The following AFAP1L1 variants were observed in gnomAD, a reference collection of about 807,000 sequenced individuals.
The protein encoded by AFAP1L1 is actin filament-associated protein 1-like 1.
In AFAP1L1, 77 loss-of-function variants were observed where a neutral mutation model predicts 99.8. The observed-to-expected ratio is 0.77, with a 90% CI of 0.64 to 0.93. The LOEUF is 0.93. Ranked by LOEUF, AFAP1L1 falls within the 40% of genes least tolerant of loss-of-function variation. The probability of loss-of-function intolerance (pLI) is 0.00; values close to 1 mark genes in which losing one functional copy is unlikely to be tolerated. For missense variants in AFAP1L1, 893 were observed against 996.8 expected (o/e 0.90, Z 1.40); for synonymous variants, 373 against 395.3 (o/e 0.94, Z 0.67).
chr5:149,308,661 C>T (rs1756512056), intron 7 of AFAP1L1, among the ~76,000 whole-genome samples: 1 of 152,158 alleles, frequency 6.6e-6, no homozygotes. Context: ...GGCACTAGTC[C>T]AGGGGACATG....
chr5:149,322,846 T>A (rs1756993461), intron 15 of AFAP1L1, 129 bp downstream of exon 15: 4 of 708,412 alleles, frequency 5.6e-6, no homozygotes, highest in Non-Finnish European at 9.4e-6. Flanking sequence ...GAAAATACTC[T>A]ACCGTAAGAA....
rs139114466 is a variant in AFAP1L1, at chr5:149,339,461, G to C, written c.2284-546G>C. On this transcript the variant is annotated intron_variant, in intron 18 of 18. Coordinates refer to ENST00000296721, the MANE Select transcript of AFAP1L1 (RefSeq NM_152406.4). ...CCCACCTCGGCCTCCCAAAGTGCTG[G>C]GATTACAGGCATGAGCCACGGCACC... Among the ~76,000 whole-genome samples, 100 of 152,180 alleles carry C rather than the reference G, an allele frequency of 6.6e-4. 2 individuals are homozygous for C. In the East Asian group the frequency reaches 0.018, roughly 27 times the overall value.
chr5:149,308,872 A>T (rs969962504), intron 7 of AFAP1L1, among the ~76,000 whole-genome samples: 3 of 151,678 alleles, frequency 2.0e-5, no homozygotes, highest in African/African-American at 7.3e-5. Flanking sequence ...AGGCAGGAGG[A>T]TCACTTGAAG....
rs774640286 is a variant in AFAP1L1 at position 149,309,955 on chromosome 5, G to A, written c.748-1G>A. ...CCTGATGTGTTTCTCTCCCTGTCCA[G>A]TGTTACAAAAGCTCCAAGGATCGGC... is the stretch of plus-strand genomic sequence containing the variant. On this transcript the variant is annotated splice_acceptor_variant, in intron 7 of 18. Transcript: ENST00000296721. LOFTEE classifies it high-confidence loss of function. 3 of 1,614,038 alleles carry A rather than the reference G, an allele frequency of 1.9e-6. No homozygotes were observed. Among genetic ancestry groups the A allele is most frequent in the Non-Finnish European group, 2.5e-6 (3 of 1,180,040 alleles).
chr5:149,336,638 G>A (rs1757415626), intron 18 of AFAP1L1, among the ~76,000 whole-genome samples: 1 of 152,218 alleles, frequency 6.6e-6, no homozygotes, highest in African/African-American at 2.4e-5. Flanking sequence ...TGAGGGGGCT[G>A]AACATGTTAG....
intron 7 of AFAP1L1, among the ~76,000 whole-genome samples, chr5:149,307,818 TTCTC>T (rs70973517): frequency 0.063 from 6,374 of 100,554 alleles, 260 homozygotes; most frequent in Non-Finnish European, 0.071. Context: ...GTGCCTCTCT[TTCTC>T]TCTCTCTCTC....
chr5:149,337,527 CT>C (rs1561688940), intron 18 of AFAP1L1, among the ~76,000 whole-genome samples: 1 of 152,192 alleles, frequency 6.6e-6, no homozygotes, highest in Admixed American at 6.5e-5. Context: ...TCACTAAACA[CT>C]CTTGAACATG....
chr5:149,316,281 C>G lies in AFAP1L1; in HGVS notation c.1245C>G (p.Thr415=). Residue 415 remains threonine (T), a synonymous_variant, in exon 11 of 19, where the codon ACC becomes ACG. Coordinates refer to ENST00000296721, the MANE Select transcript of AFAP1L1 (RefSeq NM_152406.4). ...CCGATGACCTGCAGACGTCCTCCAC[C>G]GAGGAGGAGGTTCCCTGCTGTGGTG... is the stretch of plus-strand genomic sequence containing the variant. ...TLADDLQTSS[T]EEEVPCCGYL... 1 of 1,613,996 alleles carries G rather than the reference C, an allele frequency of 6.2e-7. No homozygotes were observed. The highest frequency in any genetic ancestry group is 8.5e-7 in the Non-Finnish European group (1 of 1,179,976).
chr5:149,317,696 G>GC, intron 11 of AFAP1L1, 33 bp from the exon 12 acceptor site: 1 of 1,610,634 alleles, frequency 6.2e-7, no homozygotes, highest in South Asian at 1.1e-5. Context: ...CCCAGGGCAG[G>GC]CTATGGGAAC....
intron 11 of AFAP1L1, 22 bp from the exon 12 acceptor site, chr5:149,317,707 C>T (rs1284608898): frequency 3.2e-5 from 52 of 1,612,668 alleles, no homozygotes; most frequent in Non-Finnish European, 3.9e-5. Flanking sequence ...CTATGGGAAC[C>T]TCACACCATT....
chr5:149,312,395 G>A (rs1221969959), intron 9 of AFAP1L1, 191 bp downstream of exon 9: 1 of 660,090 alleles, frequency 1.5e-6, no homozygotes, highest in Non-Finnish European at 2.7e-6. Flanking sequence ...GAACAAACGA[G>A]TGCTTATGCC....
At chr5:149,307,282 T>C in intron 6 of AFAP1L1, 120 bp from the exon 7 acceptor site, 1 of 1,023,050 alleles carries the variant, frequency 9.8e-7, no homozygotes, top group Non-Finnish European at 1.5e-6. Context: ...ATTACCAGTG[T>C]CATGCCTAAT....
At chr5:149,310,157 T>C (rs964320149) in intron 8 of AFAP1L1, 22 bp downstream of exon 8, 1 of 1,559,428 alleles carries the variant, frequency 6.4e-7, no homozygotes, top group South Asian at 1.2e-5. Flanking sequence ...GCACCTGACC[T>C]TCCCGCCTTC....
intron 8 of AFAP1L1, among the ~76,000 whole-genome samples, chr5:149,311,570 G>A (rs530668727): frequency 2.4e-4 from 36 of 152,360 alleles, no homozygotes; most frequent in African/African-American, 8.7e-4. Context: ...ACAAATGGTA[G>A]CTGTGATTAT....
chr5:149,309,750 A>T (rs978751695), intron 7 of AFAP1L1, among the ~76,000 whole-genome samples: 8 of 152,088 alleles, frequency 5.3e-5, no homozygotes, highest in Admixed American at 5.2e-4. Context: ...ATGACTGAAA[A>T]TTGCCCAAAG....
intron 15 of AFAP1L1, among the ~76,000 whole-genome samples, 187 bp downstream of exon 15, chr5:149,322,904 CAG>C (rs1306400310): frequency 6.6e-6 from 1 of 152,038 alleles, no homozygotes; most frequent in Non-Finnish European, 1.5e-5. Context: ...CATGTGGCCT[CAG>C]AGGGAAAATG....
chr5:149,328,604 T>C (rs571836425), intron 15 of AFAP1L1, among the ~76,000 whole-genome samples: 57 of 151,948 alleles, frequency 3.8e-4, no homozygotes, highest in Non-Finnish European at 6.2e-4. Context: ...AGGTCAGGAG[T>C]TCGAGAACAG....
intron 1 of AFAP1L1, among the ~76,000 whole-genome samples, chr5:149,282,116 A>G (rs1367488201): frequency 3.3e-5 from 5 of 152,152 alleles, no homozygotes. Context: ...GTAGGGAGTG[A>G]AGGTGCAGAG....
rs1025731 is a variant in AFAP1L1 at position 149,286,435 on chromosome 5, A to G, written c.17-13074A>G. ...AATAGGTCAGAAATAGTAAAAAATA[A>G]TTTTTAAACTCTATTGAATAGAACA... On this transcript the variant is annotated intron_variant, in intron 1 of 18. Coordinates refer to ENST00000296721, the MANE Select transcript of AFAP1L1 (RefSeq NM_152406.4). 2.0e-3 allele frequency among the ~76,000 whole-genome samples: 300 copies of G among 152,288 alleles called. 1 individual carries two copies. Among genetic ancestry groups the G allele is most frequent in the African/African-American group, 7.1e-3 (294 of 41,558 alleles).
Sources: allele counts gnomAD v4.1 joint callset (sites outside exome capture counted in the v4.1 genomes callset), GRCh38; gene constraint gnomAD v4.1.1; transcripts MANE v1.5; gene names NCBI Gene and HGNC (gene_info 2026-07-23, HGNC 2026-07-21).